The following MICAL3 variants were observed in gnomAD, a reference collection of about 807,000 sequenced individuals.
MICAL3 encodes the protein [F-actin]-monooxygenase MICAL3.
MICAL3 carries 62 observed loss-of-function variants against 207.4 expected under a neutral mutation model. The observed-to-expected ratio is 0.30, with a 90% CI of 0.24 to 0.37. The LOEUF (loss-of-function observed/expected upper bound fraction) is 0.37. Ranked by LOEUF, MICAL3 falls within the 10% of genes least tolerant of loss-of-function variation. The pLI, the probability that MICAL3 is intolerant of heterozygous loss-of-function variation, is 1.00. For missense variants in MICAL3, 2,368 were observed against 2,635.6 expected, an observed-to-expected ratio of 0.90 and a Z score of 2.22; for synonymous variants, 1,077 against 1,069.3, an observed-to-expected ratio of 1.01 and a Z score of -0.14.
At position 17,822,180 on chromosome 22, in the gene MICAL3, G is replaced by C. The variant is rs764615857; in HGVS notation, c.3308-10C>G. Reference sequence around the variant, plus strand: ...TCAGACCAGTGCTGATCTGGCAGAGGGAAGGGGCAGAAGTGGGTGCACACC... The same window carrying C: ...TCAGACCAGTGCTGATCTGGCAGAGCGAAGGGGCAGAAGTGGGTGCACACC... On this transcript the variant is annotated splice_polypyrimidine_tract_variant and intron_variant, in intron 23 of 31. Transcript: ENST00000441493. The C allele has an allele frequency of 5.6e-6, 9 of 1,612,576 alleles. No individual in the cohort carries two copies. The highest frequency in any genetic ancestry group is 3.3e-4 in the Middle Eastern group (2 of 6,080).
At chr22:17,952,703 T>A (rs1934407682) in intron 1 of MICAL3, among the ~76,000 whole-genome samples, 1 of 149,568 alleles carries the variant, frequency 6.7e-6, no homozygotes, top group Non-Finnish European at 1.5e-5. Context: ...AGGCGGGGCG[T>A]CAGAGAGGCC....
At chr22:17,875,816 C>T (rs893302860) in intron 16 of MICAL3, among the ~76,000 whole-genome samples, 5 of 152,138 alleles carry the variant, frequency 3.3e-5, no homozygotes, top group African/African-American at 4.8e-5. Context: ...AGCTGTGGGC[C>T]GCCCGGCACA....
chr22:17,901,791 G>T, intron 5 of MICAL3, 87 bp downstream of exon 5: 2 of 957,250 alleles, frequency 2.1e-6, no homozygotes, highest in Non-Finnish European at 1.6e-6. Flanking sequence ...AAGGGTGGAC[G>T]CTGGTCACGC....
Position 17,841,169 on chromosome 22 carries a change from G to A in MICAL3, c.2801+653C>T, listed in dbSNP as rs1923967001. The A allele has an allele frequency of 6.5e-6, 1 of 152,790 alleles. No individual in the cohort carries two copies. Among genetic ancestry groups the A allele is most frequent in the African/African-American group, 2.4e-5 (1 of 41,466 alleles). The allele number at this position is 152,790 out of a possible 1,614,324, so 9.5% of individuals were successfully genotyped here. A position where few individuals can be genotyped will look rare whatever the true frequency, so the allele number is the denominator to read the frequency against. ...CCCACAGGACACCGGACCCCCTTTT[G>A]ATTCTTGGCTCTCTTGATCATCTGT... is the stretch of plus-strand genomic sequence containing the variant. On this transcript the variant is annotated intron_variant, in intron 20 of 31. Transcript: ENST00000441493. This position sits in a 1 kb window ranked among gnomAD's most constrained non-coding sequence, Gnocchi z 4.2.
In MICAL3 at chr22:17,941,835, C is replaced by T. The variant is rs149381243; in HGVS notation, c.-74-34949G>A. Among the ~76,000 whole-genome samples, 676 of 152,272 alleles carry T rather than the reference C, an allele frequency of 4.4e-3. 2 individuals are homozygous for T. The highest frequency in any genetic ancestry group is 0.015 in the African/African-American group (644 of 41,560). On this transcript the variant is annotated intron_variant, in intron 1 of 31. Coordinates refer to ENST00000441493, the MANE Select transcript of MICAL3 (RefSeq NM_015241.3). ...AGAATCTGTGATGGCCTGGGGCAGGCGTGGTCAATCGCTCCCTCCCACCCC... is the reference window on the plus strand; with the variant it reads ...AGAATCTGTGATGGCCTGGGGCAGGTGTGGTCAATCGCTCCCTCCCACCCC...
At chr22:17,990,008 C>T (rs1569159355) in intron 1 of MICAL3, among the ~76,000 whole-genome samples, 4 of 152,022 alleles carry the variant, frequency 2.6e-5, no homozygotes, top group African/African-American at 7.3e-5. Context: ...TTCATGAAGC[C>T]GCCCCTGCCC....
chr22:17,878,953 A>C (rs1360595514), intron 16 of MICAL3, among the ~76,000 whole-genome samples: 5 of 152,156 alleles, frequency 3.3e-5, no homozygotes, highest in Non-Finnish European at 7.3e-5. Flanking sequence ...TGCCACTTGA[A>C]TACTGATTTA....
chr22:17,805,959 G>A (rs2061984807), intron 29 of MICAL3, among the ~76,000 whole-genome samples: 3 of 152,134 alleles, frequency 2.0e-5, no homozygotes, highest in South Asian at 4.1e-4. Context: ...CAAACTCCCG[G>A]CCTCAGGTGA....
In MICAL3 at chr22:17,819,065, G is replaced by C. The variant is rs997508681; in HGVS notation, c.3596C>G (p.Pro1199Arg). The stretch of plus-strand genomic sequence containing the variant: ...CTTCTCTTTGGGGAGCAAAGGCTCA[G>C]GGAAAAGGCGCTCCTCAGGTGATTT... Reference protein sequence around the residue: ...QEKSPEERLFPEPLLPKEKPK... With the variant: ...QEKSPEERLFREPLLPKEKPK... The change falls in exon 26 of 32, where the codon CCT becomes CGT. Residue 1199 changes from proline (P) to arginine (R), a missense_variant. Pro to Arg is a moderately radical substitution (Grantham distance 103, BLOSUM62 -2). Coordinates refer to ENST00000441493, the MANE Select transcript of MICAL3 (RefSeq NM_015241.3). 6.4e-7 allele frequency: 1 copy of C among 1,564,440 alleles called. No homozygotes were observed. Among genetic ancestry groups the C allele is most frequent in the Non-Finnish European group, 8.7e-7 (1 of 1,154,992 alleles).
chr22:17,903,722 T>C (rs893564029), intron 3 of MICAL3, among the ~76,000 whole-genome samples: 1 of 152,170 alleles, frequency 6.6e-6, no homozygotes, highest in Non-Finnish European at 1.5e-5. Context: ...AGCCAGCAGA[T>C]GGGCAGAGGG....
intron 1 of MICAL3, among the ~76,000 whole-genome samples, chr22:18,013,597 G>A (rs114991841): frequency 0.018 from 2,675 of 152,276 alleles, 97 homozygotes; most frequent in African/African-American, 0.06. Flanking sequence ...TAGCAATGCC[G>A]AAGCCACAGA....
rs922902962 is a variant in MICAL3, at chr22:17,864,953, T to G, written c.2551A>C (p.Thr851Pro). The change falls in exon 19 of 32, where the codon ACA becomes CCA. Residue 851 changes from threonine to proline, a missense_variant. Physicochemically the swap from Thr to Pro is conservative, Grantham distance 38. Transcript: ENST00000441493. ...AKGPLQDGAT[T>P]DANGRANAVA... ...GCGTTGGCCCGTCCGTTTGCATCTG[T>G]GGTGGCGCCATCCTGCAGGGGTCCT... is the stretch of plus-strand genomic sequence containing the variant. The G allele has an allele frequency of 6.2e-7, 1 of 1,611,926 alleles. No homozygotes were observed. The highest frequency in any genetic ancestry group is 8.5e-7 in the Non-Finnish European group (1 of 1,178,402).
chr22:18,006,074 CTTTTCTCATCCCCAGAGAGCTCTA>C (rs1157120709), intron 1 of MICAL3: 1 of 152,216 alleles, frequency 6.6e-6, no homozygotes, highest in Admixed American at 6.5e-5. Flanking sequence ...ATAGCTCTCT[CTTTTCTCATCCCCAGAGAGCTCTA>C]AAATGTCTCT....
At chr22:17,861,426 AC>A in intron 19 of MICAL3, 2 of 985,326 alleles carry the variant, frequency 2.0e-6, no homozygotes, top group Non-Finnish European at 2.4e-6. Flanking sequence ...CCGGTAATGA[AC>A]CCGGTGATGA....
chr22:17,865,930 A>C lies in MICAL3; in HGVS notation c.2511T>G (p.Ser837=), dbSNP rs1341716631. 6.2e-7 allele frequency: 1 copy of C among 1,612,760 alleles called. No homozygotes were observed. The highest frequency in any genetic ancestry group is 1.3e-5 in the African/African-American group (1 of 74,922). Residue 837 remains serine, a synonymous_variant, in exon 18 of 32, where the codon TCT becomes TCG. Coordinates refer to ENST00000441493, the MANE Select transcript of MICAL3 (RefSeq NM_015241.3). The stretch of plus-strand genomic sequence containing the variant: ...ACAGGAGAGTCACCATTACCTTTCC[A>C]GACAGGGGAGCCACTGCCGGTCTCT... ...QRKRPAVAPL[S]GKEAKGPLQD... is the part of the protein sequence containing the mutation.
intron 1 of MICAL3, among the ~76,000 whole-genome samples, chr22:17,944,729 C>A (rs894139472): frequency 6.6e-6 from 1 of 152,096 alleles, no homozygotes; most frequent in Non-Finnish European, 1.5e-5. Context: ...TGGGAGAAAC[C>A]GCATTTTTAA....
rs1226157607 is a variant in MICAL3, at chr22:17,793,059, G to A, written c.5651-1758C>T. ...CGAAGATACAGAAAATGCCACCGGA[G>A]ACGTGCGGACAGCGCTCACTAGCTA... On this transcript the variant is annotated intron_variant, in intron 29 of 31. Transcript: ENST00000441493. The surrounding 1 kb of genome is among the most constrained non-coding windows in gnomAD (Gnocchi z 4.1). Among the ~76,000 whole-genome samples, 3 of 152,214 alleles carry A rather than the reference G, an allele frequency of 2.0e-5. No homozygotes were observed. Among genetic ancestry groups the A allele is most frequent in the African/African-American group, 4.8e-5 (2 of 41,458 alleles).
At chr22:17,920,384 G>A (rs1034744664) in intron 1 of MICAL3, among the ~76,000 whole-genome samples, 1 of 152,004 alleles carries the variant, frequency 6.6e-6, no homozygotes, top group Non-Finnish European at 1.5e-5. Flanking sequence ...ACCCTCTTCC[G>A]GTCATCTTTT....
Position 17,895,260 on chromosome 22 carries a change from T to C in MICAL3, c.1449+24A>G, listed in dbSNP as rs1212544109. The C allele has an allele frequency of 4.3e-6, 7 of 1,611,440 alleles. No individual in the cohort carries two copies. The Admixed American group carries it at 8.4e-5, about 19-fold the overall frequency. ...TTGGTCCTGCAGATGGGCCCAGATGTAAATACTGACAAGAAGGTCTTACCT... is the reference window on the plus strand; with the variant it reads ...TTGGTCCTGCAGATGGGCCCAGATGCAAATACTGACAAGAAGGTCTTACCT... On this transcript the variant is annotated intron_variant, in intron 10 of 31. Coordinates refer to ENST00000441493, the MANE Select transcript of MICAL3 (RefSeq NM_015241.3).
Sources: gnomAD v4.1 joint callset for allele counts (sites outside exome capture counted in the v4.1 genomes callset) on GRCh38, gnomAD v4.1.1 for gene constraint, Gnocchi (gnomAD v3.1) non-coding constraint, MANE v1.5 for transcripts, NCBI Gene and HGNC (gene_info 2026-07-23, HGNC 2026-07-21) for gene names.